The following CRISP2 variants were observed in gnomAD, a reference collection of about 807,000 sequenced individuals.
The protein encoded by CRISP2 is cysteine-rich secretory protein 2.
CRISP2 carries 29 observed loss-of-function variants against 31.7 expected under a neutral mutation model. The observed-to-expected ratio is 0.92, with a 90% CI of 0.68 to 1.25. The LOEUF (loss-of-function observed/expected upper bound fraction) is 1.25, where lower values mean the gene tolerates loss of function less well. Ranked by LOEUF, CRISP2 falls within the 50% of genes most tolerant of loss-of-function variation. CRISP2 has a pLI of 0.00. For missense variants in CRISP2, 318 were observed against 286.5 expected, an observed-to-expected ratio of 1.11 and a Z score of -0.79; for synonymous variants, 111 against 101.4, an observed-to-expected ratio of 1.09 and a Z score of -0.57.
the CRISP2 span, among the ~76,000 whole-genome samples, chr6:49,678,419 G>A: frequency 6.6e-6 from 1 of 152,030 alleles, no homozygotes; most frequent in Non-Finnish European, 1.5e-5. Context: ...ACAGTGTATG[G>A]TTTTTCTATA....
At chr6:49,679,267 A>T in the CRISP2 span, among the ~76,000 whole-genome samples, 1 of 152,118 alleles carries the variant, frequency 6.6e-6, no homozygotes, top group Non-Finnish European at 1.5e-5. Context: ...TTTTTAACCT[A>T]AATTCCATCT....
chr6:49,709,013 C>A (rs1767541226), intron 4 of CRISP2, 118 bp downstream of exon 4: 3 of 822,014 alleles, frequency 3.6e-6, no homozygotes, highest in Non-Finnish European at 6.1e-6. Context: ...TCTGAGAACT[C>A]TGAACCAGTG....
At chr6:49,687,063 G>T in the CRISP2 span, among the ~76,000 whole-genome samples, 1 of 151,970 alleles carries the variant, frequency 6.6e-6, no homozygotes, top group African/African-American at 2.4e-5. Flanking sequence ...GGGATGGGGG[G>T]AGAGGGGAGG....
At chr6:49,698,604 TC>T in intron 6 of CRISP2, 97 bp from the exon 7 acceptor site, 1 of 1,259,854 alleles carries the variant, frequency 7.9e-7, no homozygotes, top group Non-Finnish European at 1.1e-6. Context: ...AAACCCAGGG[TC>T]CAGCAGATGC....
chr6:49,683,572 G>T, the CRISP2 span, among the ~76,000 whole-genome samples: 2 of 146,398 alleles, frequency 1.4e-5, no homozygotes, highest in Non-Finnish European at 3.0e-5. Context: ...GCTGAGGCAG[G>T]AGAATCACTT....
rs562709257 is a variant in CRISP2, at chr6:49,712,937, G to T, written c.-150-333C>A. Among the ~76,000 whole-genome samples, 5 of 152,130 alleles carry T rather than the reference G, an allele frequency of 3.3e-5. No homozygotes were observed. The South Asian group carries it at 1.0e-3, about 32-fold the overall frequency. ...TAGGACTTCAACCCATTCTTTAAAA[G>T]ATCATTTCCATAAGCAGTGTCCCAC... On this transcript the variant is annotated intron_variant, in intron 1 of 9. Coordinates refer to ENST00000339139, the MANE Select transcript of CRISP2 (RefSeq NM_003296.4).
At chr6:49,706,242 T>G (rs1362082315) in intron 4 of CRISP2, among the ~76,000 whole-genome samples, 1 of 152,222 alleles carries the variant, frequency 6.6e-6, no homozygotes. Flanking sequence ...CAGTTTTCCT[T>G]GACATGGTAT....
the CRISP2 span, among the ~76,000 whole-genome samples, chr6:49,678,972 T>C: frequency 6.6e-6 from 1 of 152,178 alleles, no homozygotes; most frequent in Non-Finnish European, 1.5e-5. Context: ...TAATACACTT[T>C]GCCTCCCTAT....
chr6:49,686,128 A>G, the CRISP2 span, among the ~76,000 whole-genome samples: 3 of 152,150 alleles, frequency 2.0e-5, no homozygotes. Flanking sequence ...ATACTATAAA[A>G]ATGTTTTGCT....
intron 4 of CRISP2, among the ~76,000 whole-genome samples, chr6:49,705,506 A>G (rs969437835): frequency 1.4e-4 from 21 of 152,112 alleles, no homozygotes; most frequent in African/African-American, 4.8e-4. Context: ...CAGCTTCTGT[A>G]CTCATATCCG....
At chr6:49,701,956 TTATATTATACATAATATA>T (rs1257087920) in intron 4 of CRISP2, among the ~76,000 whole-genome samples, 3 of 1,314 alleles carry the variant, frequency 2.3e-3, no homozygotes, top group African/African-American at 0.02. Context: ...ATATAATATA[TTATATTATACATAATATA>T]TAATATATAT....
chr6:49,697,049 T>C (rs866762014), intron 8 of CRISP2, among the ~76,000 whole-genome samples: 1 of 152,292 alleles, frequency 6.6e-6, no homozygotes. Context: ...GTTATACTTC[T>C]CAAACTGGAA....
chr6:49,698,092 C>A (rs1158966840), intron 7 of CRISP2, 135 bp from the exon 8 acceptor site: 2 of 746,836 alleles, frequency 2.7e-6, no homozygotes, highest in Admixed American at 3.4e-5. Flanking sequence ...AATTATTGAA[C>A]CAAAGTCATA....
At chr6:49,710,463 C>T (rs12528045) in intron 3 of CRISP2, among the ~76,000 whole-genome samples, 29,761 of 152,086 alleles carry the variant, frequency 0.2, 3,741 homozygotes, top group Middle Eastern at 0.28. Flanking sequence ...GAAAGAGACA[C>T]AGTTTTAATT....
chr6:49,683,700 T>A, the CRISP2 span, among the ~76,000 whole-genome samples: 22 of 82,704 alleles, frequency 2.7e-4, no homozygotes, highest in South Asian at 4.3e-4. Context: ...AAAAAATATA[T>A]ATATATATAT....
At chr6:49,686,515 A>G in the CRISP2 span, among the ~76,000 whole-genome samples, 3 of 152,212 alleles carry the variant, frequency 2.0e-5, no homozygotes, top group African/African-American at 7.2e-5. Context: ...ACCATCTCAC[A>G]CAAGTTAGAA....
At chr6:49,710,076 C>A (rs965995214) in intron 3 of CRISP2, among the ~76,000 whole-genome samples, 3 of 152,118 alleles carry the variant, frequency 2.0e-5, no homozygotes, top group African/African-American at 7.2e-5. Context: ...AGATTTGTTT[C>A]TTGTGTGTGA....
the CRISP2 span, among the ~76,000 whole-genome samples, chr6:49,685,747 G>A: frequency 6.6e-6 from 1 of 152,036 alleles, no homozygotes; most frequent in Non-Finnish European, 1.5e-5. Context: ...CATTAGGTCG[G>A]CTGTTTTTTC....
At chr6:49,695,638 A>G (rs760624550) in intron 9 of CRISP2, among the ~76,000 whole-genome samples, 198 bp downstream of exon 9, 1 of 152,234 alleles carries the variant, frequency 6.6e-6, no homozygotes, top group African/African-American at 2.4e-5. Flanking sequence ...ATACGGCAAT[A>G]TGCTTTTCAT....
Sources: allele counts gnomAD v4.1 joint callset (sites outside exome capture counted in the v4.1 genomes callset), GRCh38; gene constraint gnomAD v4.1.1; transcripts MANE v1.5; gene names NCBI Gene and HGNC (gene_info 2026-07-23, HGNC 2026-07-21).